The following NTRK3 variants were observed in gnomAD, a reference collection of about 807,000 sequenced individuals.
NTRK3 encodes neurotrophic receptor tyrosine kinase 3.
NTRK3 carries 24 observed loss-of-function variants against 91.7 expected under a neutral mutation model. The observed-to-expected ratio is 0.26, with a 90% CI of 0.19 to 0.37. NTRK3 has a LOEUF of 0.37. Among genes scored for constraint, NTRK3 ranks in the 10% least tolerant of loss-of-function variants. NTRK3 has a pLI of 1.00. For synonymous variants in NTRK3, 483 were observed against 404.0 expected, an observed-to-expected ratio of 1.20 and a Z score of -2.34; for missense variants, 880 against 1,068.9, an observed-to-expected ratio of 0.82 and a Z score of 2.46.
In NTRK3 at chr15:88,126,124, G is replaced by A. The variant is rs184809516; in HGVS notation, c.1396+147C>T. On this transcript the variant is annotated intron_variant, in intron 13 of 18. Coordinates refer to ENST00000394480, the Ensembl canonical transcript of NTRK3. Reference sequence around the variant, plus strand: ...CAATCCATAATTACCAAGAACAAGCGGCAAACAGGAGTTTCCATCAGTACC... The same window carrying A: ...CAATCCATAATTACCAAGAACAAGCAGCAAACAGGAGTTTCCATCAGTACC... The A allele has an allele frequency of 2.9e-4, 190 of 647,896 alleles. 1 individual carries two copies. In the East Asian group the frequency reaches 5.2e-3, roughly 18 times the overall value. The allele number at this position is 647,896 out of a possible 1,614,324, so 40.1% of individuals were successfully genotyped here. A position where few individuals can be genotyped will look rare whatever the true frequency, so the allele number is the denominator to read the frequency against.
chr15:88,121,691 A>C (rs139349230), intron 13 of NTRK3, among the ~76,000 whole-genome samples: 1 of 152,308 alleles, frequency 6.6e-6, no homozygotes, highest in East Asian at 1.9e-4. Flanking sequence ...ATGATCTGAC[A>C]ATCAAAGAGT....
intron 5 of NTRK3, among the ~76,000 whole-genome samples, chr15:88,154,377 G>C (rs543721941): frequency 6.6e-6 from 1 of 152,330 alleles, no homozygotes; most frequent in Admixed American, 6.5e-5. Context: ...GCACCAAGGA[G>C]GGCCCATGAG....
intron 13 of NTRK3, among the ~76,000 whole-genome samples, chr15:88,079,963 T>C (rs2047901199): frequency 6.6e-6 from 1 of 152,232 alleles, no homozygotes; most frequent in East Asian, 1.9e-4. Flanking sequence ...ATTAGGATTA[T>C]ATTAAATACA....
rs2053957706 is a variant in NTRK3, at chr15:88,255,615, A to G, written c.248+291T>C. ...TTTGCACCATCGAAACGAGCCAGCA[A>G]CTGGTTGGGAGGCGGGCGGTAGCTG... On this transcript the variant is annotated intron_variant, in intron 3 of 18. Transcript: ENST00000394480. The surrounding 1 kb of genome is among the most constrained non-coding windows in gnomAD (Gnocchi z 4.3). Among the ~76,000 whole-genome samples the G allele has an allele frequency of 6.6e-6, 1 of 151,654 alleles. No homozygotes were observed. Among genetic ancestry groups the G allele is most frequent in the Non-Finnish European group, 1.5e-5 (1 of 67,946 alleles).
chr15:88,087,343 T>C (rs911668883), intron 13 of NTRK3, among the ~76,000 whole-genome samples: 1 of 152,132 alleles, frequency 6.6e-6, no homozygotes, highest in Non-Finnish European at 1.5e-5. Flanking sequence ...TGGGGGAGTG[T>C]CCGGCAGGTC....
intron 3 of NTRK3, among the ~76,000 whole-genome samples, chr15:88,201,151 A>G (rs1187217052): frequency 2.0e-5 from 3 of 152,218 alleles, no homozygotes; most frequent in Non-Finnish European, 2.9e-5. Context: ...ACCAGTCCCA[A>G]TCAGATTCAA....
At chr15:88,165,825 C>T (rs2044880314) in intron 5 of NTRK3, among the ~76,000 whole-genome samples, 2 of 152,188 alleles carry the variant, frequency 1.3e-5, no homozygotes, top group South Asian at 2.1e-4. Context: ...AATCCACACC[C>T]TTGTCATGAC....
rs756837892 is a variant in NTRK3, at chr15:88,255,868, G to T, written c.248+38C>A. 5 of 1,580,076 alleles carry T rather than the reference G, an allele frequency of 3.2e-6. No homozygotes were observed. In the Admixed American group the frequency reaches 6.8e-5, roughly 22 times the overall value. ...GGTGGGCAGGAGGGAGACGCAGAGC[G>T]CGGGGGAGGCAGGCTGGGGAGCGGC... On this transcript the variant is annotated intron_variant, in intron 3 of 18. Coordinates refer to ENST00000394480, the Ensembl canonical transcript of NTRK3. The surrounding 1 kb of genome is among the most constrained non-coding windows in gnomAD (Gnocchi z 4.3).
At chr15:87,916,530 T>C (rs752301397) in intron 17 of NTRK3, 6 of 702,280 alleles carry the variant, frequency 8.5e-6, no homozygotes, top group South Asian at 7.4e-5. Context: ...CCGTCTTTTT[T>C]CCCCAGTATC....
intron 13 of NTRK3, among the ~76,000 whole-genome samples, chr15:88,125,882 A>C (rs921126016): frequency 1.3e-5 from 2 of 152,216 alleles, no homozygotes; most frequent in Admixed American, 1.3e-4. Flanking sequence ...TCCCAACACA[A>C]CTTCAAAAAC....
intron 15 of NTRK3, among the ~76,000 whole-genome samples, chr15:87,934,870 C>T (rs2069128604): frequency 6.6e-6 from 1 of 152,172 alleles, no homozygotes; most frequent in Non-Finnish European, 1.5e-5. Flanking sequence ...GTCTTCCAGC[C>T]AGAGATCAAG....
chr15:88,104,432 C>G (rs530603868), intron 13 of NTRK3, among the ~76,000 whole-genome samples: 98 of 152,350 alleles, frequency 6.4e-4, no homozygotes, highest in South Asian at 1.2e-3. Context: ...TGTTTGGCCA[C>G]TTTTTCCTTG....
At chr15:88,015,405 GC>G (rs985850090) in intron 14 of NTRK3, among the ~76,000 whole-genome samples, 3 of 151,712 alleles carry the variant, frequency 2.0e-5, no homozygotes, top group Non-Finnish European at 4.4e-5. Flanking sequence ...ACCAAACCCT[GC>G]CCCCTGTCTG....
chr15:87,861,677 T>C (rs1195428063), exon 19 of NTRK3: 2 of 195,228 alleles, frequency 1.0e-5, no homozygotes, highest in East Asian at 8.0e-5. Flanking sequence ...CTTTGGTGTT[T>C]GTAGGGCATT....
intron 3 of NTRK3, among the ~76,000 whole-genome samples, chr15:88,250,658 C>T (rs2053253904): frequency 6.6e-6 from 1 of 152,154 alleles, no homozygotes; most frequent in Admixed American, 6.5e-5. Context: ...GTTCCTTGGC[C>T]CAGCACCAAG....
chr15:88,149,337 G>C (rs146894339), intron 5 of NTRK3, among the ~76,000 whole-genome samples: 1 of 152,124 alleles, frequency 6.6e-6, no homozygotes, highest in Admixed American at 6.5e-5. Flanking sequence ...GAGGAGAAGG[G>C]AAAGAAACAT....
rs1034952204 is a variant in NTRK3 at position 88,234,155 on chromosome 15, G to A, written c.248+21751C>T. 1.2e-4 allele frequency among the ~76,000 whole-genome samples: 18 copies of A among 151,952 alleles called. No individual in the cohort carries two copies. Among genetic ancestry groups the A allele is most frequent in the Non-Finnish European group, 1.8e-4 (12 of 67,998 alleles). ...CAGCCTGGACCTTCAGTCAGGAGACGATGGACAGCACCCTAGTCCAATCAC... is the reference window on the plus strand; with the variant it reads ...CAGCCTGGACCTTCAGTCAGGAGACAATGGACAGCACCCTAGTCCAATCAC... On this transcript the variant is annotated intron_variant, in intron 3 of 18. Transcript: ENST00000394480. This position sits in a 1 kb window ranked among gnomAD's most constrained non-coding sequence, Gnocchi z 6.1.
At chr15:88,043,363 G>A (rs537389220) in intron 13 of NTRK3, among the ~76,000 whole-genome samples, 6 of 152,188 alleles carry the variant, frequency 3.9e-5, no homozygotes, top group Non-Finnish European at 8.8e-5. Context: ...ATTTCAACAT[G>A]TCTAAATTCA....
intron 6 of NTRK3, among the ~76,000 whole-genome samples, chr15:88,145,519 A>G (rs1232032784): frequency 6.6e-6 from 1 of 152,224 alleles, no homozygotes; most frequent in African/African-American, 2.4e-5. Flanking sequence ...AGATGAATGC[A>G]GAATCCCATG....
Sources: allele counts gnomAD v4.1 joint callset (sites outside exome capture counted in the v4.1 genomes callset), GRCh38; gene constraint gnomAD v4.1.1; non-coding constraint Gnocchi (gnomAD v3.1); transcripts MANE v1.5; gene names NCBI Gene and HGNC (gene_info 2026-07-23, HGNC 2026-07-21).